The following CAMK1D variants were observed in gnomAD, a reference collection of about 807,000 sequenced individuals.
CAMK1D encodes the protein calcium/calmodulin dependent protein kinase ID.
A neutral mutation model predicts 47.7 loss-of-function variants in CAMK1D; 9 were observed. The ratio of observed to expected loss-of-function variants is 0.19; its 90% CI spans 0.11 to 0.33. The LOEUF (loss-of-function observed/expected upper bound fraction) is 0.33. Ranked by LOEUF, CAMK1D falls within the 10% of genes least tolerant of loss-of-function variation. The probability of loss-of-function intolerance (pLI) is 1.00; values close to 1 mark genes in which losing one functional copy is unlikely to be tolerated. For synonymous variants in CAMK1D, 184 were observed against 184.9 expected (o/e 0.99, Z 0.04); for missense variants, 291 against 488.7 (o/e 0.60, Z 3.81).
At position 12,828,769 on chromosome 10, in the gene CAMK1D, G is replaced by A; in HGVS notation, c.1040G>A (p.Cys347Tyr). ...AGCCCACTTCTGCTGTTCCCTGCAG[G>A]TCTGGCACCTTCCACGCTCTGTAGT... Reference protein sequence around the residue: ...SSLSLASQKDCLAPSTLCSFI... With the variant: ...SSLSLASQKDYLAPSTLCSFI... The change falls in exon 11 of 11, where the codon TGT becomes TAT. Residue 347 changes from cysteine to tyrosine, a missense_variant and splice_region_variant. By Grantham distance (194) the Cys-to-Tyr change is radical. Coordinates refer to ENST00000619168, the MANE Select transcript of CAMK1D (RefSeq NM_153498.4). 2 of 1,612,766 alleles carry A rather than the reference G, an allele frequency of 1.2e-6. No homozygotes were observed. The highest frequency in any genetic ancestry group is 1.7e-6 in the Non-Finnish European group (2 of 1,179,074).
intron 1 of CAMK1D, among the ~76,000 whole-genome samples, chr10:12,412,566 T>A (rs1438641464): frequency 7.2e-6 from 1 of 139,672 alleles, no homozygotes; most frequent in African/African-American, 2.7e-5. Context: ...GAGGTTGCAG[T>A]GAGCCGAGAT....
rs771000106 is a variant in CAMK1D, at chr10:12,828,756, C to T, written c.1040-13C>T. ...TCTGAAACTCTGAAGCCCACTTCTG[C>T]TGTTCCCTGCAGGTCTGGCACCTTC... On this transcript the variant is annotated splice_polypyrimidine_tract_variant and intron_variant, in intron 10 of 10. Transcript: ENST00000619168. The T allele has an allele frequency of 3.7e-6, 6 of 1,604,062 alleles. No homozygotes were observed. In the South Asian group the frequency reaches 5.5e-5, roughly 15 times the overall value.
chr10:12,396,481 C>G (rs1043584465), intron 1 of CAMK1D, among the ~76,000 whole-genome samples: 1 of 152,180 alleles, frequency 6.6e-6, no homozygotes, highest in Non-Finnish European at 1.5e-5. Context: ...CTGGCTTAAC[C>G]CCCTTTTTGC....
chr10:12,406,612 G>T (rs1448545734), intron 1 of CAMK1D, among the ~76,000 whole-genome samples: 2 of 150,270 alleles, frequency 1.3e-5, no homozygotes, highest in African/African-American at 4.9e-5. Context: ...AGTCTCAGCT[G>T]CTTGGGAGGC....
chr10:12,718,557 C>T (rs1007411989), intron 3 of CAMK1D, among the ~76,000 whole-genome samples: 1 of 152,086 alleles, frequency 6.6e-6, no homozygotes, highest in Admixed American at 6.5e-5. Flanking sequence ...GGACTTTTCC[C>T]GAGTAAATTT....
chr10:12,574,237 C>T (rs1161347779), intron 2 of CAMK1D, among the ~76,000 whole-genome samples: 3 of 152,076 alleles, frequency 2.0e-5, no homozygotes, highest in Non-Finnish European at 4.4e-5. Context: ...AACTCAGATT[C>T]TTTAATTATG....
intron 1 of CAMK1D, among the ~76,000 whole-genome samples, chr10:12,477,528 A>G (rs1182335989): frequency 1.3e-5 from 2 of 152,210 alleles, no homozygotes; most frequent in African/African-American, 2.4e-5. Context: ...GTGTGGTCCC[A>G]TTCTACTCTC....
At chr10:12,460,566 G>A (rs1336967027) in intron 1 of CAMK1D, among the ~76,000 whole-genome samples, 2 of 152,102 alleles carry the variant, frequency 1.3e-5, no homozygotes, top group Non-Finnish European at 2.9e-5. Flanking sequence ...CTGAGTAGCT[G>A]GGACTACAGG....
chr10:12,783,826 A>G (rs1258169917), intron 5 of CAMK1D, among the ~76,000 whole-genome samples: 7 of 152,128 alleles, frequency 4.6e-5, no homozygotes, highest in African/African-American at 1.7e-4. Context: ...GCAAAGTGGA[A>G]TTTTCCATAA....
chr10:12,689,456 G>GT (rs1406129632), intron 3 of CAMK1D, among the ~76,000 whole-genome samples: 2 of 152,106 alleles, frequency 1.3e-5, no homozygotes, highest in Non-Finnish European at 2.9e-5. Flanking sequence ...CCGTGAAGTG[G>GT]TTTTCTCACA....
chr10:12,815,703 C>A (rs991805239), intron 7 of CAMK1D, among the ~76,000 whole-genome samples: 1 of 152,246 alleles, frequency 6.6e-6, no homozygotes, highest in Non-Finnish European at 1.5e-5. Context: ...ACTACTCCCC[C>A]ACTTCCCCCA....
intron 3 of CAMK1D, among the ~76,000 whole-genome samples, chr10:12,706,465 A>G (rs1003950432): frequency 6.6e-6 from 1 of 152,144 alleles, no homozygotes; most frequent in African/African-American, 2.4e-5. Context: ...CAATCCCAGC[A>G]CTTTGAGAGG....
At chr10:12,431,452 A>T (rs145539589) in intron 1 of CAMK1D, among the ~76,000 whole-genome samples, 514 of 152,278 alleles carry the variant, frequency 3.4e-3, no homozygotes, top group Non-Finnish European at 6.5e-3. Flanking sequence ...GGTCGGGGAG[A>T]GAGGCCGATT....
intron 1 of CAMK1D, among the ~76,000 whole-genome samples, chr10:12,549,380 TGG>T (rs1312620980): frequency 6.6e-6 from 1 of 152,234 alleles, no homozygotes; most frequent in East Asian, 1.9e-4. Flanking sequence ...TGTTCCAGCA[TGG>T]GTCAGAATTC....
chr10:12,490,318 G>T (rs548951536), intron 1 of CAMK1D, among the ~76,000 whole-genome samples: 1 of 152,190 alleles, frequency 6.6e-6, no homozygotes, highest in Non-Finnish European at 1.5e-5. Context: ...CTTGCAGGGC[G>T]CTGGGACGGG....
At chr10:12,734,062 T>A (rs569612588) in intron 3 of CAMK1D, among the ~76,000 whole-genome samples, 2 of 151,744 alleles carry the variant, frequency 1.3e-5, no homozygotes, top group South Asian at 4.2e-4. Flanking sequence ...GTGCCGTGGC[T>A]CCTGCCTGTA....
chr10:12,479,739 C>T (rs111949800), intron 1 of CAMK1D, among the ~76,000 whole-genome samples: 15 of 152,302 alleles, frequency 9.8e-5, no homozygotes, highest in Admixed American at 3.3e-4. Context: ...TTCAGGAGAG[C>T]GGCTCTTCTT....
intron 1 of CAMK1D, among the ~76,000 whole-genome samples, chr10:12,438,541 A>AT (rs1167660933): frequency 6.6e-6 from 1 of 152,088 alleles, no homozygotes; most frequent in Non-Finnish European, 1.5e-5. Context: ...CTTTAAAAAA[A>AT]TTTTTTTGAG....
intron 3 of CAMK1D, among the ~76,000 whole-genome samples, chr10:12,706,861 A>G (rs1833745134): frequency 6.6e-6 from 1 of 152,170 alleles, no homozygotes; most frequent in African/African-American, 2.4e-5. Context: ...ACACAGAAGT[A>G]GGTGATAACT....
Sources: gnomAD v4.1 joint callset for allele counts (sites outside exome capture counted in the v4.1 genomes callset) on GRCh38, gnomAD v4.1.1 for gene constraint, MANE v1.5 for transcripts, NCBI Gene and HGNC (gene_info 2026-07-23, HGNC 2026-07-21) for gene names.